WDFY4: variants seen among roughly 807,000 people sequenced by gnomAD.
WDFY4 encodes WDFY family member 4, also known as WD repeat- and FYVE domain-containing protein 4.
A neutral mutation model predicts 351.9 loss-of-function variants in WDFY4; 169 were observed. The ratio of observed to expected loss-of-function variants is 0.48; its 90% CI spans 0.42 to 0.55. The LOEUF is 0.55. Ranked by LOEUF, WDFY4 falls within the 20% of genes least tolerant of loss-of-function variation. The probability of loss-of-function intolerance (pLI) is 0.00; values close to 1 mark genes in which losing one functional copy is unlikely to be tolerated. For synonymous variants in WDFY4, 1,622 were observed against 1,574.6 expected (o/e 1.03, Z -0.71); for missense variants, 3,803 against 3,935.6 (o/e 0.97, Z 0.90).
intron 25 of WDFY4, chr10:48,804,875 C>A: frequency 1.3e-6 from 1 of 757,550 alleles, no homozygotes; most frequent in Non-Finnish European, 1.6e-6. Context: ...ATCACACAAC[C>A]AGACAAGCTA....
chr10:48,970,966 T>C (rs942438680), intron 57 of WDFY4, among the ~76,000 whole-genome samples: 2 of 152,144 alleles, frequency 1.3e-5, no homozygotes, highest in Non-Finnish European at 2.9e-5. Flanking sequence ...CCAAGGCCCT[T>C]CTGTATACTA....
At chr10:48,812,338 C>T (rs534272119) in intron 30 of WDFY4, among the ~76,000 whole-genome samples, 1 of 151,940 alleles carries the variant, frequency 6.6e-6, no homozygotes, top group South Asian at 2.1e-4. Flanking sequence ...TACAGGTATC[C>T]ACCACCATGC....
rs77969691 is a variant in WDFY4, at chr10:48,913,466, C to T, written c.7586+11603C>T. 2.3e-4 allele frequency: 357 copies of T among 1,552,770 alleles called. 1 individual carries two copies. The African/African-American group carries it at 4.1e-3, about 18-fold the overall frequency. On this transcript the variant is annotated intron_variant, in intron 47 of 61. Coordinates refer to ENST00000325239, the MANE Select transcript of WDFY4 (RefSeq NM_001394531.1). ...TGGGAAAGATGGTCTTTCTCGGTGT[C>T]GTCGTGGCCATGTTCTTGATTCTAT...
chr10:48,824,116 A>G, intron 35 of WDFY4: 1 of 985,418 alleles, frequency 1.0e-6, no homozygotes, highest in East Asian at 1.1e-4. Flanking sequence ...AGGGTCTTCT[A>G]CTTCTCCCTC....
In WDFY4 at chr10:48,873,588, C is replaced by A. The variant is rs2069869910; in HGVS notation, c.6839C>A (p.Thr2280Asn). The change falls in exon 41 of 62, where the codon ACC (threonine) becomes AAC (asparagine). Residue 2280 changes from threonine (T) to asparagine (N), a missense_variant. By Grantham distance (65) the Thr-to-Asn change is moderately conservative. Around this residue, in one of 3 missense-constraint regions of WDFY4, gnomAD observed 3,054 missense variants for 3,148.6 expected, o/e 0.97. Coordinates refer to ENST00000325239, the MANE Select transcript of WDFY4 (RefSeq NM_001394531.1). Reference sequence around the variant, plus strand: ...GGCTTGTGGAGCCAGGGGGAAGAAACCAAGCCCTGTTCCCCATGGGAACTC... The same window carrying A: ...GGCTTGTGGAGCCAGGGGGAAGAAAACAAGCCCTGTTCCCCATGGGAACTC... The part of the protein sequence containing the change: ...ELGLWSQGEE[T>N]KPCSPWELDW... 1 of 1,551,760 alleles carries A rather than the reference C, an allele frequency of 6.4e-7. No homozygotes were observed. The highest frequency in any genetic ancestry group is 8.7e-7 in the Non-Finnish European group (1 of 1,147,012).
At chr10:48,782,115 A>T (rs1428941855) in intron 19 of WDFY4, among the ~76,000 whole-genome samples, 5 of 152,236 alleles carry the variant, frequency 3.3e-5, no homozygotes, top group Non-Finnish European at 7.3e-5. Flanking sequence ...TTTATCCAGA[A>T]GGTAGAGACA....
At chr10:48,814,655 T>C (rs1163524751) in intron 31 of WDFY4, among the ~76,000 whole-genome samples, 2 of 152,174 alleles carry the variant, frequency 1.3e-5, no homozygotes. Flanking sequence ...GGCTGAAAAA[T>C]TCTGACTTCA....
intron 24 of WDFY4, 24 bp downstream of exon 24, chr10:48,796,474 T>C (rs2132795439): frequency 1.3e-6 from 2 of 1,546,550 alleles, no homozygotes; most frequent in Non-Finnish European, 1.7e-6. Context: ...TGGCCCTTAG[T>C]CCTTCAGGAG....
intron 13 of WDFY4, among the ~76,000 whole-genome samples, chr10:48,763,072 G>A (rs752934542): frequency 6.6e-6 from 1 of 152,206 alleles, no homozygotes; most frequent in Non-Finnish European, 1.5e-5. Flanking sequence ...ATTACTTGGA[G>A]TCTGGGATCT....
intron 40 of WDFY4, among the ~76,000 whole-genome samples, chr10:48,873,051 A>G (rs2133282969): frequency 6.6e-6 from 1 of 152,250 alleles, no homozygotes; most frequent in East Asian, 1.9e-4. Context: ...ACTGGAAAAA[A>G]GTACATTCAA....
intron 2 of WDFY4, among the ~76,000 whole-genome samples, chr10:48,718,971 C>A (rs1249348009): frequency 6.6e-6 from 1 of 151,910 alleles, no homozygotes; most frequent in Non-Finnish European, 1.5e-5. Context: ...ACAGAAGGGG[C>A]AGATAAGAAA....
intron 23 of WDFY4, among the ~76,000 whole-genome samples, chr10:48,795,498 T>TATATATATATATATATATATATATAC (rs1378214847): frequency 2.9e-5 from 3 of 104,358 alleles, no homozygotes; most frequent in African/African-American, 4.5e-5. Flanking sequence ...TCTGTATATA[T>TATATATATATATATATATATATATAC]ATATATATAT....
chr10:48,778,829 C>T lies in WDFY4; in HGVS notation c.3394C>T (p.Leu1132=), dbSNP rs111575567. The T allele has an allele frequency of 2.1e-4, 321 of 1,550,006 alleles. 4 individuals are homozygous for T. The African/African-American group carries it at 3.5e-3, about 17-fold the overall frequency. ...TACAGAAGAGAAGGAGTTTCAGCCTCTGGGTAAGGTGCTGGGATCCAAAGC... is the reference window on the plus strand; with the variant it reads ...TACAGAAGAGAAGGAGTTTCAGCCTTTGGGTAAGGTGCTGGGATCCAAAGC... ...VSTEEKEFQP[L]DVMEPEDDSE... is the part of the protein sequence containing the mutation. Residue 1132 remains leucine (L), a synonymous_variant, in exon 18 of 62, where the codon CTG becomes TTG. Transcript: ENST00000325239.
chr10:48,877,346 A>G (rs2070059748), intron 43 of WDFY4, 147 bp downstream of exon 43: 1 of 803,056 alleles, frequency 1.2e-6, no homozygotes, highest in South Asian at 1.9e-5. Context: ...TCAGTGAAAA[A>G]AGGGATAGAT....
intron 51 of WDFY4, among the ~76,000 whole-genome samples, chr10:48,951,230 A>C (rs567452673): frequency 7.2e-5 from 11 of 152,166 alleles, no homozygotes; most frequent in Non-Finnish European, 1.3e-4. Flanking sequence ...GATTTTTACA[A>C]TCCAGAAAAT....
At position 48,820,416 on chromosome 10, in the gene WDFY4, G is replaced by T. The variant is rs1432728619; in HGVS notation, c.5688G>T (p.Leu1896=). The part of the protein sequence containing the change: ...LLGASSPKQW[L]PLEVLLEASP... ...GAGCCTCCAGCCCCAAGCAGTGGCT[G>T]CCCCTGGAGGTGCTCCTGGAGGTGG... Residue 1896 remains leucine, a synonymous_variant, in exon 33 of 62, where the codon CTG becomes CTT. Transcript: ENST00000325239. The T allele has an allele frequency of 4.1e-5, 64 of 1,551,318 alleles. No individual in the cohort carries two copies. Among genetic ancestry groups the T allele is most frequent in the East Asian group, 3.9e-4 (16 of 40,894 alleles).
At chr10:48,714,272 AT>A (rs1172286239) in intron 2 of WDFY4, among the ~76,000 whole-genome samples, 1 of 152,088 alleles carries the variant, frequency 6.6e-6, no homozygotes, top group Non-Finnish European at 1.5e-5. Flanking sequence ...GTCTTTCCTT[AT>A]TTCATGACTC....
intron 22 of WDFY4, among the ~76,000 whole-genome samples, chr10:48,790,215 C>T (rs1165152653): frequency 1.3e-5 from 2 of 152,226 alleles, no homozygotes; most frequent in African/African-American, 2.4e-5. Flanking sequence ...CAGCTACTAA[C>T]CAGGCTGCTG....
chr10:48,701,734 C>T (rs1286006741), intron 1 of WDFY4, among the ~76,000 whole-genome samples: 4 of 152,150 alleles, frequency 2.6e-5, no homozygotes, highest in African/African-American at 7.2e-5. Flanking sequence ...CTGGTGGCCC[C>T]GTGGGAAGCT....
Sources: allele counts gnomAD v4.1 joint callset (sites outside exome capture counted in the v4.1 genomes callset), GRCh38; gene constraint gnomAD v4.1.1; regional missense constraint gnomAD v4.1.1; transcripts MANE v1.5; gene names NCBI Gene and HGNC (gene_info 2026-07-23, HGNC 2026-07-21).